CA12: variants seen among roughly 807,000 people sequenced by gnomAD.
CA12 encodes the protein carbonic anhydrase 12, also known as carbonate dehydratase XII.
Under a neutral mutation model 46.8 loss-of-function variants are expected in CA12, and 36 were observed. The observed-to-expected ratio is 0.77, with a 90% CI of 0.59 to 1.02. CA12 has a LOEUF of 1.02. CA12 is among the 50% of genes least tolerant of loss of function. The pLI, the probability that CA12 is intolerant of heterozygous loss-of-function variation, is 0.00. For missense variants in CA12, 436 were observed against 451.4 expected, an observed-to-expected ratio of 0.97 and a Z score of 0.31; for synonymous variants, 202 against 187.0, an observed-to-expected ratio of 1.08 and a Z score of -0.65.
rs2039189373 is a variant in CA12, at chr15:63,348,933, T to A, written c.107-2224A>T. ...CTTTTTCTCTTGCTCTAAATACGCT[T>A]TATTGGAAGTTAGGACCAAATAAGG... On this transcript the variant is annotated intron_variant, in intron 2 of 10. Transcript: ENST00000178638. The surrounding 1 kb of genome is among the most constrained non-coding windows in gnomAD (Gnocchi z 4.6). Among the ~76,000 whole-genome samples, 1 of 152,148 alleles carries A rather than the reference T, an allele frequency of 6.6e-6. No homozygotes were observed. The highest frequency in any genetic ancestry group is 6.5e-5 in the Admixed American group (1 of 15,282).
intron 8 of CA12, among the ~76,000 whole-genome samples, chr15:63,333,501 C>G (rs1316857089): frequency 6.6e-6 from 1 of 152,252 alleles, no homozygotes; most frequent in Non-Finnish European, 1.5e-5. Context: ...GGCCTCTGAC[C>G]CAGACCAGCG....
chr15:63,333,729 C>T (rs2038964310), intron 8 of CA12, among the ~76,000 whole-genome samples: 2 of 152,158 alleles, frequency 1.3e-5, no homozygotes, highest in Non-Finnish European at 2.9e-5. Context: ...TAAAATTGCC[C>T]AGGTCTAGGC....
In CA12 at chr15:63,357,433, G is replaced by C. The variant is rs958650757; in HGVS notation, c.107-10724C>G. Among the ~76,000 whole-genome samples, 6 of 152,184 alleles carry C rather than the reference G, an allele frequency of 3.9e-5. 1 individual carries two copies. The highest frequency in any genetic ancestry group is 2.6e-4 in the Admixed American group (4 of 15,282). ...TGGCTACATAGTGGAATCTCCAAGAGCTCCTGATTTTGCTCCCAGCCCCAG... is the reference window on the plus strand; with the variant it reads ...TGGCTACATAGTGGAATCTCCAAGACCTCCTGATTTTGCTCCCAGCCCCAG... On this transcript the variant is annotated intron_variant, in intron 2 of 10. Transcript: ENST00000178638.
Position 63,329,132 on chromosome 15 carries a change from C to T in CA12, c.875-1002G>A, listed in dbSNP as rs1276995235. 6.6e-6 allele frequency among the ~76,000 whole-genome samples: 1 copy of T among 152,244 alleles called. No individual in the cohort carries two copies. The highest frequency in any genetic ancestry group is 1.5e-5 in the Non-Finnish European group (1 of 68,032). ...ACTTCCTAAGCAAGGAATCCATCAC[C>T]AGACTTCTCCCCCAGCCCATCAGCT... On this transcript the variant is annotated intron_variant, in intron 8 of 10. Coordinates refer to ENST00000178638, the MANE Select transcript of CA12 (RefSeq NM_001218.5). This position sits in a 1 kb window ranked among gnomAD's most constrained non-coding sequence, Gnocchi z 4.8.
chr15:63,375,461 C>A, intron 2 of CA12, 197 bp downstream of exon 2: 1 of 541,534 alleles, frequency 1.8e-6, no homozygotes, highest in South Asian at 2.4e-5. Flanking sequence ...GGCTCGCCTG[C>A]TTGGAGAAAG....
In CA12 at chr15:63,326,474, C is replaced by G. The variant is rs1214003931; in HGVS notation, c.993-117G>C. The stretch of plus-strand genomic sequence containing the variant: ...AAAAGTTGGATTCCTCTCTTTGGGA[C>G]CTTTCCCCAATTCTGTTGGTCTTGG... On this transcript the variant is annotated intron_variant, in intron 10 of 10. Coordinates refer to ENST00000178638, the MANE Select transcript of CA12 (RefSeq NM_001218.5). The G allele has an allele frequency of 1.5e-5, 12 of 781,146 alleles. No individual in the cohort carries two copies. In the Admixed American group the frequency reaches 2.1e-4, roughly 14 times the overall value. The allele number at this position is 781,146 out of a possible 1,614,324, so 48.4% of individuals were successfully genotyped here. A position where few individuals can be genotyped will look rare whatever the true frequency, so the allele number is the denominator to read the frequency against.
intron 8 of CA12, among the ~76,000 whole-genome samples, chr15:63,332,501 G>A (rs1371729892): frequency 6.6e-6 from 1 of 152,194 alleles, no homozygotes; most frequent in African/African-American, 2.4e-5. Flanking sequence ...TACAATGCTG[G>A]CACTTGGTGC....
Position 63,328,109 on chromosome 15 carries a change from C to CAGACTTTAAGTGCAAGT in CA12, c.895_896insACTTGCACTTAAAGTCT (p.Gly299AspfsTer8), listed in dbSNP as rs57752703. ...GCCCAGCCACATACCCAGACTCAGT[C>CAGACTTTAAGTGCAAGT]CTGCCGCAGTACAGACTTGCACTTA... On this transcript the variant is annotated frameshift_variant, in exon 9 of 11. Coordinates refer to ENST00000178638, the MANE Select transcript of CA12 (RefSeq NM_001218.5). LOFTEE classifies it high-confidence loss of function. This position sits in a 1 kb window ranked among gnomAD's most constrained non-coding sequence, Gnocchi z 5.9. 6.8e-6 allele frequency: 11 copies of CAGACTTTAAGTGCAAGT among 1,614,062 alleles called. No homozygotes were observed. The East Asian group carries it at 2.5e-4, about 36-fold the overall frequency.
intron 2 of CA12, among the ~76,000 whole-genome samples, chr15:63,357,194 G>A (rs2039305692): frequency 1.3e-5 from 2 of 152,220 alleles, no homozygotes; most frequent in South Asian, 4.1e-4. Context: ...GACTTGAATA[G>A]TGGTTGCCAG....
intron 1 of CA12, among the ~76,000 whole-genome samples, chr15:63,376,604 C>CTTTCTTTCTTTCTT (rs1325632435): frequency 0.061 from 795 of 12,990 alleles, 9 homozygotes; most frequent in Admixed American, 0.084. Context: ...CTTTCTTTCT[C>CTTTCTTTCTTTCTT]TCTCTCTCGC....
chr15:63,368,436 G>A (rs537653251), intron 2 of CA12, among the ~76,000 whole-genome samples: 5 of 152,308 alleles, frequency 3.3e-5, no homozygotes, highest in African/African-American at 9.6e-5. Flanking sequence ...GCAGGATCCC[G>A]AGGAAACATT....
At chr15:63,358,713 T>A (rs1272270622) in intron 2 of CA12, among the ~76,000 whole-genome samples, 1 of 152,198 alleles carries the variant, frequency 6.6e-6, no homozygotes, top group Non-Finnish European at 1.5e-5. Flanking sequence ...GGACATCCAA[T>A]GTTTACTTCC....
Position 63,340,382 on chromosome 15 carries a change from T to C in CA12, c.653A>G (p.Tyr218Cys), listed in dbSNP as rs776821189. ...EELLPERTAE[Y>C]YRYRGSLTTP... ...GGTCAGGGACCCCCGGTAGCGGTAA[T>C]ATTCAGCGGTCCTCTCCGGAAGCAG... Residue 218 changes from tyrosine to cysteine, a missense_variant, in exon 7 of 11, where the codon TAT becomes TGT. Tyr to Cys is a radical substitution (Grantham distance 194). Transcript: ENST00000178638. The surrounding 1 kb of genome is among the most constrained non-coding windows in gnomAD (Gnocchi z 4.4). 6.2e-7 allele frequency: 1 copy of C among 1,614,076 alleles called. No individual in the cohort carries two copies. The highest frequency in any genetic ancestry group is 8.5e-7 in the Non-Finnish European group (1 of 1,180,008).
Position 63,328,854 on chromosome 15 carries a change from C to A in CA12, c.875-724G>T, listed in dbSNP as rs1246179898. ...CAGCTGGGACTGCAGGCGTGCACCA[C>A]AACGCTTGGCTAATTTTTGTATTTT... On this transcript the variant is annotated intron_variant, in intron 8 of 10. Transcript: ENST00000178638. The surrounding 1 kb of genome is among the most constrained non-coding windows in gnomAD (Gnocchi z 5.9). Among the ~76,000 whole-genome samples the A allele has an allele frequency of 6.6e-6, 1 of 152,174 alleles. No homozygotes were observed. The highest frequency in any genetic ancestry group is 6.5e-5 in the Admixed American group (1 of 15,272).
At chr15:63,381,487 C>A in intron 1 of CA12, 149 bp downstream of exon 1, 1 of 702,980 alleles carries the variant, frequency 1.4e-6, no homozygotes, top group African/African-American at 1.8e-5. Flanking sequence ...CAAAGGAAAA[C>A]GGAGCATCCT....
chr15:63,350,409 G>A (rs2039213691), intron 2 of CA12, among the ~76,000 whole-genome samples: 1 of 152,206 alleles, frequency 6.6e-6, no homozygotes, highest in Non-Finnish European at 1.5e-5. Flanking sequence ...CACTGGGAGT[G>A]ACTCTCCTAA....
At position 63,339,908 on chromosome 15, in the gene CA12, CACTT is replaced by C. The variant is rs544317216; in HGVS notation, c.747+376_747+379del. ...TGAGCTTCTTGGGGGCAGGGACCCT[CACTT>C]AGTCATTGCTGCAATCCCATCTCTT... On this transcript the variant is annotated intron_variant, in intron 7 of 10. Transcript: ENST00000178638. The surrounding 1 kb of genome is among the most constrained non-coding windows in gnomAD (Gnocchi z 4.3). The C allele has an allele frequency of 9.0e-6, 3 of 334,702 alleles. No homozygotes were observed. Among genetic ancestry groups the C allele is most frequent in the Non-Finnish European group, 1.7e-5 (3 of 173,050 alleles). 20.7% of individuals were successfully genotyped at this position (334,702 alleles called of 1,614,324 possible).
intron 2 of CA12, among the ~76,000 whole-genome samples, chr15:63,358,774 G>A (rs1481563082): frequency 2.6e-5 from 4 of 152,048 alleles, no homozygotes; most frequent in Non-Finnish European, 5.9e-5. Context: ...TGTCTCCTCG[G>A]CCGAGCATCT....
chr15:63,376,643 TTCTC>T (rs1460924771), intron 1 of CA12, among the ~76,000 whole-genome samples: 1 of 150,824 alleles, frequency 6.6e-6, no homozygotes, highest in African/African-American at 2.4e-5. Flanking sequence ...TTCTTTTTCT[TTCTC>T]TCTTTCTCTT....
Sources: gnomAD v4.1 joint callset for allele counts (sites outside exome capture counted in the v4.1 genomes callset) on GRCh38, gnomAD v4.1.1 for gene constraint, Gnocchi (gnomAD v3.1) non-coding constraint, MANE v1.5 for transcripts, NCBI Gene and HGNC (gene_info 2026-07-23, HGNC 2026-07-21) for gene names.